Variants in SLC9A9 observed in about 807,000 individuals in gnomAD.
SLC9A9 encodes solute carrier family 9 member A9, also known as sodium/hydrogen exchanger 9.
In SLC9A9, 62 loss-of-function variants were observed where a neutral mutation model predicts 77.8. The observed-to-expected ratio is 0.80, with a 90% confidence interval of 0.65 to 0.98. The LOEUF is 0.98. Among genes scored for constraint, SLC9A9 ranks in the 50% least tolerant of loss-of-function variants. The pLI is 0.00. For synonymous variants in SLC9A9, 320 were observed against 283.5 expected (o/e 1.13, Z -1.29); for missense variants, 775 against 774.9 (o/e 1.00, Z 0.00).
At chr3:143,557,678 G>C (rs1243416469) in intron 8 of SLC9A9, among the ~76,000 whole-genome samples, 2 of 152,178 alleles carry the variant, frequency 1.3e-5, no homozygotes, top group Admixed American at 6.5e-5. Flanking sequence ...GGTGACTCTT[G>C]CTATGCTTTA....
chr3:143,529,244 C>T (rs142403944), intron 9 of SLC9A9, among the ~76,000 whole-genome samples: 2 of 152,244 alleles, frequency 1.3e-5, no homozygotes, highest in South Asian at 2.1e-4. Flanking sequence ...ACTGAGATAG[C>T]TAAGAAAACA....
At chr3:143,269,588 T>A (rs1280256314) in intron 14 of SLC9A9, among the ~76,000 whole-genome samples, 2 of 152,216 alleles carry the variant, frequency 1.3e-5, no homozygotes, top group African/African-American at 4.8e-5. Context: ...CAAAGTGCTC[T>A]AACAAGAGAA....
At chr3:143,287,095 T>C (rs1938401069) in intron 14 of SLC9A9, among the ~76,000 whole-genome samples, 1 of 141,164 alleles carries the variant, frequency 7.1e-6, no homozygotes, top group South Asian at 2.1e-4. Flanking sequence ...TTCCTTCTGG[T>C]CCCACTTGTG....
intron 6 of SLC9A9, among the ~76,000 whole-genome samples, chr3:143,588,955 C>T (rs145920048): frequency 5.9e-5 from 9 of 152,052 alleles, no homozygotes; most frequent in East Asian, 3.9e-4. Context: ...CTGTCATATG[C>T]GAAATTTTAG....
At chr3:143,484,861 C>T (rs1404048743) in intron 11 of SLC9A9, among the ~76,000 whole-genome samples, 1 of 152,088 alleles carries the variant, frequency 6.6e-6, no homozygotes, top group Non-Finnish European at 1.5e-5. Context: ...ATTTTTTAAT[C>T]TGTAAAAAGA....
intron 4 of SLC9A9, among the ~76,000 whole-genome samples, chr3:143,780,335 G>T (rs2007830984): frequency 1.3e-5 from 2 of 152,150 alleles, no homozygotes; most frequent in Admixed American, 6.5e-5. Context: ...TTGGAGGGAA[G>T]AAGACGTTGG....
intron 5 of SLC9A9, among the ~76,000 whole-genome samples, chr3:143,689,477 C>T (rs375996296): frequency 6.6e-6 from 1 of 152,176 alleles, no homozygotes; most frequent in Non-Finnish European, 1.5e-5. Context: ...CAGTTCACTG[C>T]AGCCTCAGCC....
At chr3:143,707,777 T>C (rs759926080) in intron 4 of SLC9A9, among the ~76,000 whole-genome samples, 1 of 152,188 alleles carries the variant, frequency 6.6e-6, no homozygotes, top group African/African-American at 2.4e-5. Flanking sequence ...CAGGTTGTTT[T>C]AAGAACAGAA....
Position 143,405,055 on chromosome 3 carries a change from C to A in SLC9A9, c.1470-22941G>T, listed in dbSNP as rs139330394. ...CTTTCATCCAGGCACTAGTAGCTCT[C>A]AGGGGCATCCAAGGGGGTGTAACCC... is the stretch of plus-strand genomic sequence containing the variant. On this transcript the variant is annotated intron_variant, in intron 12 of 15. Coordinates refer to ENST00000316549, the MANE Select transcript of SLC9A9 (RefSeq NM_173653.4). Among the ~76,000 whole-genome samples, 65 of 152,324 alleles carry A rather than the reference C, an allele frequency of 4.3e-4. 1 individual carries two copies. In the East Asian group the frequency reaches 0.012, roughly 29 times the overall value.
chr3:143,549,866 G>A (rs772890864), intron 9 of SLC9A9, among the ~76,000 whole-genome samples: 3 of 152,174 alleles, frequency 2.0e-5, no homozygotes, highest in Non-Finnish European at 4.4e-5. Context: ...GAAAAAAACA[G>A]CCCAAGACAT....
chr3:143,739,291 C>T (rs1935023828), intron 4 of SLC9A9, among the ~76,000 whole-genome samples: 1 of 152,146 alleles, frequency 6.6e-6, no homozygotes, highest in African/African-American at 2.4e-5. Context: ...TCACTTCTAT[C>T]ACGCAGAAAA....
At chr3:143,470,607 A>G (rs889001706) in intron 11 of SLC9A9, among the ~76,000 whole-genome samples, 4 of 152,238 alleles carry the variant, frequency 2.6e-5, no homozygotes, top group Non-Finnish European at 4.4e-5. Context: ...AGTATTAGAC[A>G]ATCAGTTGCT....
chr3:143,545,969 T>C (rs931232286), intron 9 of SLC9A9, among the ~76,000 whole-genome samples: 11 of 152,238 alleles, frequency 7.2e-5, no homozygotes, highest in African/African-American at 1.9e-4. Context: ...ATATTAGATC[T>C]AGAGCATGAT....
chr3:143,334,085 A>T (rs575712273), intron 14 of SLC9A9, among the ~76,000 whole-genome samples: 18 of 152,374 alleles, frequency 1.2e-4, no homozygotes, highest in African/African-American at 4.3e-4. Flanking sequence ...ATCTCTGGGT[A>T]AAACATTTGT....
chr3:143,558,894 C>T (rs1346305465), intron 8 of SLC9A9, among the ~76,000 whole-genome samples: 1 of 151,954 alleles, frequency 6.6e-6, no homozygotes, highest in East Asian at 1.9e-4. Context: ...TGGCTGTGTC[C>T]CCACCCAAAT....
intron 8 of SLC9A9, among the ~76,000 whole-genome samples, chr3:143,573,337 GA>G (rs2037300668): frequency 6.6e-6 from 1 of 152,122 alleles, no homozygotes; most frequent in South Asian, 2.1e-4. Flanking sequence ...GAGAAGCAGG[GA>G]ACGTGGCTTG....
chr3:143,730,996 A>C (rs1302026372), intron 4 of SLC9A9, among the ~76,000 whole-genome samples: 2 of 152,228 alleles, frequency 1.3e-5, no homozygotes, highest in African/African-American at 4.8e-5. Context: ...TTGTGGTCTC[A>C]AGATGGCTGC....
At chr3:143,305,189 G>A (rs1296799817) in intron 14 of SLC9A9, among the ~76,000 whole-genome samples, 3 of 152,188 alleles carry the variant, frequency 2.0e-5, no homozygotes, top group East Asian at 3.9e-4. Context: ...GAGGGTTGAG[G>A]GCAACTTTTC....
chr3:143,339,570 ATAAAT>A (rs1220990601), intron 14 of SLC9A9, among the ~76,000 whole-genome samples: 2 of 152,192 alleles, frequency 1.3e-5, no homozygotes, highest in Non-Finnish European at 2.9e-5. Context: ...CTTAACATAA[ATAAAT>A]TACTCTTCAG....
Sources: gnomAD v4.1 joint callset for allele counts (sites outside exome capture counted in the v4.1 genomes callset) on GRCh38, gnomAD v4.1.1 for gene constraint, MANE v1.5 for transcripts, NCBI Gene and HGNC (gene_info 2026-07-23, HGNC 2026-07-21) for gene names.